The following PKN2 variants were observed in gnomAD, a reference collection of about 807,000 sequenced individuals.
The protein encoded by PKN2 is protein kinase N2, also known as serine/threonine-protein kinase N2.
In PKN2, 38 loss-of-function variants were observed where a neutral mutation model predicts 119.1. The ratio of observed to expected loss-of-function variants is 0.32; its 90% CI spans 0.25 to 0.42. The LOEUF (loss-of-function observed/expected upper bound fraction) is 0.42. PKN2 is among the 10% of genes least tolerant of loss of function. The pLI is 1.00. For missense variants in PKN2, 850 were observed against 1,165.1 expected (o/e 0.73, Z 3.94); for synonymous variants, 390 against 384.9 (o/e 1.01, Z -0.15).
chr1:88,791,255 A>T (rs1052501542), intron 8 of PKN2, among the ~76,000 whole-genome samples: 2 of 152,070 alleles, frequency 1.3e-5, no homozygotes, highest in Admixed American at 1.3e-4. Flanking sequence ...GACCAACATG[A>T]TGAAACCCTG....
Position 88,684,536 on chromosome 1 carries a change from G to T in PKN2, c.-45G>T, listed in dbSNP as rs1665990262. The T allele has an allele frequency of 1.3e-6, 2 of 1,494,610 alleles. No homozygotes were observed. Among genetic ancestry groups the T allele is most frequent in the Non-Finnish European group, 1.8e-6 (2 of 1,117,636 alleles). 92.6% of individuals were successfully genotyped at this position (1,494,610 alleles called of 1,614,324 possible). A position where few individuals can be genotyped will look rare whatever the true frequency, so the allele number is the denominator to read the frequency against. Reference sequence around the variant, plus strand: ...GAGCCCCGTCCCGCCTTCTCCCTTCGCCAGAGGCGGCCGCGTCCAGGTGCG... The same window carrying T: ...GAGCCCCGTCCCGCCTTCTCCCTTCTCCAGAGGCGGCCGCGTCCAGGTGCG... On this transcript the variant is annotated 5_prime_UTR_variant, in exon 1 of 22. Coordinates refer to ENST00000370521, the MANE Select transcript of PKN2 (RefSeq NM_006256.4).
chr1:88,746,500 G>GA (rs35421801), intron 2 of PKN2, among the ~76,000 whole-genome samples: 77,201 of 151,748 alleles, frequency 0.51, 20,347 homozygotes, highest in Middle Eastern at 0.7. Context: ...CAGATAATAT[G>GA]AAAAAAATGA....
intron 1 of PKN2, among the ~76,000 whole-genome samples, chr1:88,704,308 G>T (rs1483152216): frequency 1.3e-5 from 2 of 152,114 alleles, no homozygotes; most frequent in South Asian, 4.1e-4. Context: ...CCATGCTGCA[G>T]TATGTATCGG....
intron 19 of PKN2, 145 bp from the exon 20 acceptor site, chr1:88,832,599 A>G (rs1257729463): frequency 1.8e-6 from 1 of 557,394 alleles, no homozygotes; most frequent in Non-Finnish European, 3.2e-6. Context: ...TTTGGTAGGC[A>G]TGGGTTTATT....
chr1:88,694,261 G>A (rs1666442429), intron 1 of PKN2, among the ~76,000 whole-genome samples: 1 of 152,136 alleles, frequency 6.6e-6, no homozygotes, highest in Non-Finnish European at 1.5e-5. Flanking sequence ...CTTATTCTCT[G>A]TGTTCTACCT....
chr1:88,819,004 C>G (rs993790648), intron 16 of PKN2, among the ~76,000 whole-genome samples: 1 of 152,112 alleles, frequency 6.6e-6, no homozygotes, highest in Non-Finnish European at 1.5e-5. Context: ...TGAACCCCTT[C>G]CTTACACCTT....
At chr1:88,698,963 T>C (rs996958780) in intron 1 of PKN2, among the ~76,000 whole-genome samples, 1 of 152,258 alleles carries the variant, frequency 6.6e-6, no homozygotes, top group Non-Finnish European at 1.5e-5. Flanking sequence ...TGCACAAAAA[T>C]GAGAGTTTCA....
intron 15 of PKN2, among the ~76,000 whole-genome samples, chr1:88,808,966 G>T (rs1671672569): frequency 6.6e-6 from 1 of 152,080 alleles, no homozygotes; most frequent in Admixed American, 6.6e-5. Context: ...ATTTGTTTTG[G>T]TAATACTTGC....
chr1:88,712,427 G>C (rs1369344149), intron 1 of PKN2, among the ~76,000 whole-genome samples: 1 of 152,052 alleles, frequency 6.6e-6, no homozygotes, highest in Non-Finnish European at 1.5e-5. Context: ...TAGGCCACTG[G>C]TACCCCTTCC....
intron 2 of PKN2, among the ~76,000 whole-genome samples, chr1:88,749,846 G>C (rs1156500825): frequency 6.6e-6 from 1 of 152,154 alleles, no homozygotes; most frequent in African/African-American, 2.4e-5. Context: ...GTTTATTTCA[G>C]CTATTAGTAT....
chr1:88,785,957 C>T, intron 7 of PKN2, 147 bp from the exon 8 acceptor site: 1 of 565,780 alleles, frequency 1.8e-6, no homozygotes, highest in Non-Finnish European at 3.1e-6. Context: ...TAAAACTAGC[C>T]ATTTAAGATT....
In PKN2 at chr1:88,741,275, A is replaced by G; in HGVS notation, c.336A>G (p.Pro112=). 1.3e-6 allele frequency: 2 copies of G among 1,573,306 alleles called. No individual in the cohort carries two copies. Among genetic ancestry groups the G allele is most frequent in the Non-Finnish European group, 1.7e-6 (2 of 1,163,870 alleles). The change falls in exon 2 of 22, where the codon CCA becomes CCG. Residue 112 remains proline (P), a synonymous_variant. Transcript: ENST00000370521. ...ELNAHIVVSD[P]EDITDCPRTP... is the part of the protein sequence containing the mutation. ...ATGCACATATTGTTGTATCAGATCC[A>G]GAAGATATTACAGGTATAGTAGTGC...
Position 88,761,128 on chromosome 1 carries a change from T to C in PKN2, c.504+752T>C, listed in dbSNP as rs112712667. Among the ~76,000 whole-genome samples the C allele has an allele frequency of 9.9e-3, 1,507 of 152,188 alleles. 21 individuals are homozygous for C. Among genetic ancestry groups the C allele is most frequent in the African/African-American group, 0.034 (1,424 of 41,504 alleles). ...AAATCAGTGTTATGGGGAGCAATTC[T>C]TAGTAATAAGAACATGTCCTTGTTG... On this transcript the variant is annotated intron_variant, in intron 3 of 21. Transcript: ENST00000370521.
chr1:88,743,241 T>A (rs149182622), intron 2 of PKN2, among the ~76,000 whole-genome samples: 2 of 152,268 alleles, frequency 1.3e-5, no homozygotes, highest in Non-Finnish European at 2.9e-5. Context: ...AATGCACGTA[T>A]TTTAAGTACA....
At chr1:88,829,200 A>C in intron 19 of PKN2, 1 of 736,044 alleles carries the variant, frequency 1.4e-6, no homozygotes, top group Non-Finnish European at 2.6e-6. Flanking sequence ...TATTGTAAAA[A>C]CAGAACGTAC....
chr1:88,832,974 A>G, intron 20 of PKN2, 103 bp from the exon 21 acceptor site: 3 of 1,294,910 alleles, frequency 2.3e-6, no homozygotes, highest in Non-Finnish European at 3.2e-6. Context: ...TGGCTTAGAC[A>G]AAAAAAGACA....
intron 1 of PKN2, among the ~76,000 whole-genome samples, chr1:88,700,998 A>T (rs1007429325): frequency 6.6e-6 from 1 of 152,210 alleles, no homozygotes; most frequent in African/African-American, 2.4e-5. Context: ...CTTAAGTCAT[A>T]TAATAATTGA....
chr1:88,719,896 T>C (rs928577073), intron 1 of PKN2, among the ~76,000 whole-genome samples: 2 of 152,208 alleles, frequency 1.3e-5, no homozygotes, highest in East Asian at 3.8e-4. Flanking sequence ...AAGATATATA[T>C]AAATTTAATC....
chr1:88,688,966 A>G (rs1666225417), intron 1 of PKN2, among the ~76,000 whole-genome samples: 2 of 152,226 alleles, frequency 1.3e-5, no homozygotes, highest in Admixed American at 1.3e-4. Flanking sequence ...AAAAGTACAA[A>G]AGGGATTTCT....
Sources: gnomAD v4.1 joint callset for allele counts (sites outside exome capture counted in the v4.1 genomes callset) on GRCh38, gnomAD v4.1.1 for gene constraint, MANE v1.5 for transcripts, NCBI Gene and HGNC (gene_info 2026-07-23, HGNC 2026-07-21) for gene names.